HSPA9: variants seen among roughly 807,000 people sequenced by gnomAD.
HSPA9 encodes the protein stress-70 protein, mitochondrial.
In HSPA9, 28 loss-of-function variants were observed where a neutral mutation model predicts 81.5. That is an observed-to-expected ratio of 0.34 (90% CI 0.25 to 0.47). The LOEUF (loss-of-function observed/expected upper bound fraction) is 0.47, where lower values mean the gene tolerates loss of function less well. Among genes scored for constraint, HSPA9 ranks in the 20% least tolerant of loss-of-function variants. HSPA9 has a pLI of 1.00. For synonymous variants in HSPA9, 293 were observed against 290.4 expected (o/e 1.01, Z -0.09); for missense variants, 678 against 838.0 (o/e 0.81, Z 2.36).
intron 1 of HSPA9, 60 bp downstream of exon 1, chr5:138,575,178 G>T: frequency 1.6e-6 from 2 of 1,225,364 alleles, no homozygotes; most frequent in South Asian, 1.3e-5. Context: ...CTGCCGCAGC[G>T]AAGCCCGAGG....
At chr5:138,558,012 G>GAGGACCTTACTCT in intron 12 of HSPA9, 26 bp from the exon 13 acceptor site, 1 of 1,465,538 alleles carries the variant, frequency 6.8e-7, no homozygotes, top group Non-Finnish European at 9.6e-7. Context: ...TCCAGAGTAA[G>GAGGACCTTACTCT]GTCCTCTTAC....
chr5:138,568,877 G>A, intron 5 of HSPA9, 48 bp downstream of exon 5: 2 of 1,600,562 alleles, frequency 1.2e-6, no homozygotes, highest in Non-Finnish European at 1.7e-6. Context: ...GATCTCACAG[G>A]AATCATTGTT....
In HSPA9 at chr5:138,568,791, G is replaced by C. The variant is rs1034111909; in HGVS notation, c.535+134C>G. The stretch of plus-strand genomic sequence containing the variant: ...CAGGGAAAGCATGAAGTATAACACA[G>C]TTTTGCCATTCCTAGTTTTTCTATA... On this transcript the variant is annotated intron_variant, in intron 5 of 16. Coordinates refer to ENST00000297185, the MANE Select transcript of HSPA9 (RefSeq NM_004134.7). The C allele has an allele frequency of 3.5e-6, 3 of 868,318 alleles. No individual in the cohort carries two copies. In the African/African-American group the frequency reaches 5.0e-5, roughly 14 times the overall value. The allele number at this position is 868,318 out of a possible 1,614,324, so 53.8% of individuals were successfully genotyped here. A position where few individuals can be genotyped will look rare whatever the true frequency, so the allele number is the denominator to read the frequency against.
chr5:138,569,196 A>G (rs1750826883), intron 4 of HSPA9, 147 bp from the exon 5 acceptor site: 1 of 723,496 alleles, frequency 1.4e-6, no homozygotes, highest in African/African-American at 1.8e-5. Flanking sequence ...TTAGAAAGCA[A>G]TCACTAACAT....
chr5:138,558,590 A>G lies in HSPA9; in HGVS notation c.1478T>C (p.Met493Thr). The change falls in exon 12 of 17, where the codon ATG (methionine) becomes ACG (threonine). Residue 493 changes from methionine to threonine, a missense_variant. Physicochemically the swap from Met to Thr is moderately conservative, Grantham distance 81. Coordinates refer to ENST00000297185, the MANE Select transcript of HSPA9 (RefSeq NM_004134.7). ...TCCAAGGAGTTTGTTGTCTCCAGCC[A>G]TCTCTCTTTCACCCTGACACACTTT... ...EIKVCQGERE[M>T]AGDNKLLGQF... 1 of 1,613,602 alleles carries G rather than the reference A, an allele frequency of 6.2e-7. No individual in the cohort carries two copies. The highest frequency in any genetic ancestry group is 8.5e-7 in the Non-Finnish European group (1 of 1,179,534).
intron 9 of HSPA9, among the ~76,000 whole-genome samples, chr5:138,564,615 C>A (rs1750724202): frequency 6.6e-6 from 1 of 152,208 alleles, no homozygotes; most frequent in African/African-American, 2.4e-5. Context: ...TTTGCCCAGG[C>A]TGGTCCCCAA....
At chr5:138,570,754 G>A (rs1750864655) in intron 4 of HSPA9, 1 of 533,374 alleles carries the variant, frequency 1.9e-6, no homozygotes, top group Non-Finnish European at 3.4e-6. Flanking sequence ...CAAAGTGCTA[G>A]GATTACAGGT....
chr5:138,556,194 G>C, intron 16 of HSPA9, 80 bp from the exon 17 acceptor site: 1 of 1,184,114 alleles, frequency 8.4e-7, no homozygotes, highest in East Asian at 2.3e-5. Flanking sequence ...CCAAGATGAG[G>C]GACCCACATA....
In HSPA9 at chr5:138,556,559, T is replaced by C. The variant is rs768876845; in HGVS notation, c.1855A>G (p.Arg619Gly). The C allele has an allele frequency of 6.2e-7, 1 of 1,614,100 alleles. No individual in the cohort carries two copies. Among genetic ancestry groups the C allele is most frequent in the South Asian group, 1.1e-5 (1 of 91,090 alleles). The change falls in exon 16 of 17, where the codon AGG becomes GGG. Residue 619 changes from arginine to glycine, a missense_variant. By Grantham distance (125) the Arg-to-Gly change is moderately radical (BLOSUM62 -2). This residue lies in a region of HSPA9 where 100 missense variants were observed against 99.5 expected (regional missense o/e 1.00). Coordinates refer to ENST00000297185, the MANE Select transcript of HSPA9 (RefSeq NM_004134.7). Reference sequence around the variant, plus strand: ...CTGTCTTTTCTAGCCAGGAGCTCCCTCATTTTGGAAATCTCTTCTTTCAGC... The same window carrying C: ...CTGTCTTTTCTAGCCAGGAGCTCCCCCATTTTGGAAATCTCTTCTTTCAGC... ...NKLKEEISKMRELLARKDSET... is the reference protein window; with the variant it reads ...NKLKEEISKMGELLARKDSET...
In HSPA9 at chr5:138,555,235, AG is replaced by A. The variant is rs1224627176; in HGVS notation, c.*801del. ...TGAATTTGCATTTTTAACCAGTGTT[AG>A]CAAATCCTGTATTTCCCTCTTTGGG... On this transcript the variant is annotated 3_prime_UTR_variant, in exon 17 of 17. Coordinates refer to ENST00000297185, the MANE Select transcript of HSPA9 (RefSeq NM_004134.7). The A allele has an allele frequency of 1.3e-5, 2 of 152,220 alleles. No homozygotes were observed. The highest frequency in any genetic ancestry group is 6.5e-5 in the Admixed American group (1 of 15,276). The allele number at this position is 152,220 out of a possible 1,614,324, so 9.4% of individuals were successfully genotyped here.
chr5:138,564,792 TCA>T (rs985473631), intron 9 of HSPA9, among the ~76,000 whole-genome samples: 2 of 152,208 alleles, frequency 1.3e-5, no homozygotes, highest in Non-Finnish European at 2.9e-5. Context: ...TTGGTAATGC[TCA>T]CAACTCTTAG....
intron 1 of HSPA9, 183 bp from the exon 2 acceptor site, chr5:138,574,309 AG>A (rs1334367657): frequency 1.6e-6 from 1 of 641,942 alleles, no homozygotes; most frequent in Non-Finnish European, 2.8e-6. Flanking sequence ...ACATTACAGT[AG>A]GATTTCTCAA....
chr5:138,565,647 T>C (rs1750745733), intron 9 of HSPA9, among the ~76,000 whole-genome samples: 1 of 152,328 alleles, frequency 6.6e-6, no homozygotes, highest in Middle Eastern at 3.4e-3. Flanking sequence ...ACAAAGAGGC[T>C]GTGTAAATCT....
intron 7 of HSPA9, 107 bp downstream of exon 7, chr5:138,567,348 T>A (rs1055774922): frequency 1.9e-6 from 2 of 1,077,436 alleles, no homozygotes; most frequent in East Asian, 4.8e-5. Context: ...ACAAAGACAA[T>A]ACAGACTTAA....
chr5:138,568,825 A>G (rs530682415), intron 5 of HSPA9, 100 bp downstream of exon 5: 1 of 1,251,456 alleles, frequency 8.0e-7, no homozygotes, highest in East Asian at 2.4e-5. Flanking sequence ...TACAAAAGGG[A>G]CCACAGATTC....
intron 13 of HSPA9, 91 bp downstream of exon 13, chr5:138,557,778 G>GAGGGGCAA: frequency 2.4e-6 from 2 of 838,268 alleles, no homozygotes; most frequent in Non-Finnish European, 4.2e-6. Flanking sequence ...TCTGATAACT[G>GAGGGGCAA]AGGGGCAAAG....
In HSPA9 at chr5:138,554,434, CA is replaced by C. The variant is rs1477459482; in HGVS notation, c.*1602del. ...CATATAACAATCCTTCATAATCCTA[CA>C]ATGTTCCCATTGAGTGTTCATGTGG... On this transcript the variant is annotated 3_prime_UTR_variant, in exon 17 of 17. Transcript: ENST00000297185. Among the ~76,000 whole-genome samples the C allele has an allele frequency of 6.6e-6, 1 of 152,208 alleles. No homozygotes were observed. The highest frequency in any genetic ancestry group is 1.9e-4 in the East Asian group (1 of 5,202).
chr5:138,557,540 A>T (rs2127152949), intron 13 of HSPA9, 44 bp from the exon 14 acceptor site: 1 of 1,162,902 alleles, frequency 8.6e-7, no homozygotes, highest in Non-Finnish European at 1.3e-6. Context: ...AGGTAAAGTT[A>T]TATGCCTCTT....
At position 138,561,516 on chromosome 5, in the gene HSPA9, C is replaced by T. The variant is rs375956246; in HGVS notation, c.1182+64G>A. The T allele has an allele frequency of 3.2e-5, 43 of 1,338,130 alleles. No individual in the cohort carries two copies. In the East Asian group the frequency reaches 5.8e-4, roughly 18 times the overall value. 82.9% of individuals were successfully genotyped at this position (1,338,130 alleles called of 1,614,324 possible). ...AGAATGGGCCATATATTTGTGCCAC[C>T]TGTCCCAAGAATACACTATGCGCCA... On this transcript the variant is annotated intron_variant, in intron 10 of 16. Transcript: ENST00000297185.
Sources: allele counts gnomAD v4.1 joint callset (sites outside exome capture counted in the v4.1 genomes callset), GRCh38; gene constraint gnomAD v4.1.1; regional missense constraint gnomAD v4.1.1; transcripts MANE v1.5; gene names NCBI Gene and HGNC (gene_info 2026-07-23, HGNC 2026-07-21).